Variants in RPF2 observed in about 807,000 individuals in gnomAD.
RPF2 encodes brix domain containing 1.
A neutral mutation model predicts 38.9 loss-of-function variants in RPF2; 21 were observed. The ratio of observed to expected loss-of-function variants is 0.54; its 90% CI spans 0.38 to 0.78. The LOEUF (loss-of-function observed/expected upper bound fraction) is 0.78, where lower values mean the gene tolerates loss of function less well. RPF2 is among the 30% of genes least tolerant of loss of function. The pLI, the probability that RPF2 is intolerant of heterozygous loss-of-function variation, is 0.00. For missense variants in RPF2, 314 were observed against 358.1 expected (o/e 0.88, Z 0.99); for synonymous variants, 121 against 126.2 (o/e 0.96, Z 0.28).
intron 7 of RPF2, among the ~76,000 whole-genome samples, chr6:111,010,571 C>T (rs955346702): frequency 6.6e-6 from 1 of 152,216 alleles, no homozygotes. Flanking sequence ...GTGTTGACAG[C>T]CGCGAGGCCT....
intron 6 of RPF2, among the ~76,000 whole-genome samples, chr6:111,007,702 T>C (rs1293093875): frequency 6.6e-6 from 1 of 152,144 alleles, no homozygotes; most frequent in Non-Finnish European, 1.5e-5. Flanking sequence ...CCCAGCACTT[T>C]GGGAGGCTGA....
chr6:111,011,779 GT>G (rs1190327324), intron 7 of RPF2, among the ~76,000 whole-genome samples: 1 of 152,078 alleles, frequency 6.6e-6, no homozygotes, highest in African/African-American at 2.4e-5. Context: ...TTGTTTAAAT[GT>G]TTTTTGTATT....
rs537281677 is a variant in RPF2, at chr6:111,012,449, C to T, written c.494-3305C>T. On this transcript the variant is annotated intron_variant, in intron 7 of 9. Transcript: ENST00000441448. ...AGCCTCCCAAAGTTGGAGGTGTGAG[C>T]CAACATGCGTGGCCTATTCTTCCCT... Among the ~76,000 whole-genome samples the T allele has an allele frequency of 4.6e-5, 7 of 152,084 alleles. No individual in the cohort carries two copies. The East Asian group carries it at 1.4e-3, about 29-fold the overall frequency.
chr6:111,024,157 C>A lies in RPF2; in HGVS notation c.597-26C>A, dbSNP rs545133609. On this transcript the variant is annotated intron_variant, in intron 8 of 9. Coordinates refer to ENST00000441448, the MANE Select transcript of RPF2 (RefSeq NM_032194.3). Reference sequence around the variant, plus strand: ...AGGACTTTTATGAAAGTCAAAGCAACATTTCTTTTTACCTATTTCCTAAAG... The same window carrying A: ...AGGACTTTTATGAAAGTCAAAGCAAAATTTCTTTTTACCTATTTCCTAAAG... The A allele has an allele frequency of 3.4e-4, 530 of 1,559,116 alleles. 8 individuals are homozygous for A. The South Asian group carries it at 6.0e-3, about 18-fold the overall frequency.
At chr6:111,019,028 C>A (rs1263792199) in intron 8 of RPF2, among the ~76,000 whole-genome samples, 1 of 152,086 alleles carries the variant, frequency 6.6e-6, no homozygotes, top group Non-Finnish European at 1.5e-5. Context: ...CCAGCCTGGC[C>A]AACACAGCGA....
intron 6 of RPF2, among the ~76,000 whole-genome samples, chr6:111,004,053 TCCAC>T (rs1771863948): frequency 6.6e-6 from 1 of 152,052 alleles, no homozygotes; most frequent in Non-Finnish European, 1.5e-5. Flanking sequence ...CCTCAGGTGA[TCCAC>T]CCACCTTGGC....
chr6:110,982,203 G>C, intron 1 of RPF2, 74 bp downstream of exon 1: 1 of 1,516,468 alleles, frequency 6.6e-7, no homozygotes. Flanking sequence ...TACTGTCTCG[G>C]CCTCTCACTC....
intron 8 of RPF2, among the ~76,000 whole-genome samples, chr6:111,022,112 A>C (rs1212526108): frequency 6.6e-6 from 1 of 152,236 alleles, no homozygotes; most frequent in African/African-American, 2.4e-5. Context: ...GTAATGCCAC[A>C]TGTGCCTTTG....
chr6:110,984,982 T>C (rs1771500283), intron 1 of RPF2, 24 bp from the exon 2 acceptor site: 1 of 1,600,310 alleles, frequency 6.2e-7, no homozygotes, highest in Non-Finnish European at 8.5e-7. Context: ...TTTAAATAGT[T>C]ATGAATTGTG....
At chr6:111,020,864 A>G (rs1772219813) in intron 8 of RPF2, among the ~76,000 whole-genome samples, 1 of 152,040 alleles carries the variant, frequency 6.6e-6, no homozygotes, top group Admixed American at 6.6e-5. Context: ...AAAGAGAAAA[A>G]AAAGAATAAA....
Position 111,024,267 on chromosome 6 carries a change from G to T in RPF2, c.681G>T (p.Arg227Ser), listed in dbSNP as rs773482871. ...MGPSLDLVLR[R>S]THLASDDLYK... ...CCTCATTGGATCTGGTTCTGAGGAGGACACACCTGGCATCGGATGACCTTT... is the reference window on the plus strand; with the variant it reads ...CCTCATTGGATCTGGTTCTGAGGAGTACACACCTGGCATCGGATGACCTTT... Residue 227 changes from arginine to serine, a missense_variant, in exon 9 of 10, where the codon AGG becomes AGT. Transcript: ENST00000441448. 2 of 1,612,152 alleles carry T rather than the reference G, an allele frequency of 1.2e-6. No individual in the cohort carries two copies. The highest frequency in any genetic ancestry group is 4.5e-5 in the East Asian group (2 of 44,868).
chr6:111,008,621 G>C (rs1432197910), intron 7 of RPF2, among the ~76,000 whole-genome samples: 2 of 152,040 alleles, frequency 1.3e-5, no homozygotes, highest in Non-Finnish European at 2.9e-5. Flanking sequence ...AAAATTTCAA[G>C]ATTGTTTGTA....
intron 5 of RPF2, among the ~76,000 whole-genome samples, chr6:110,997,987 C>T (rs772385020): frequency 3.6e-4 from 55 of 151,924 alleles, no homozygotes; most frequent in Non-Finnish European, 6.6e-4. Flanking sequence ...TCACTACAAC[C>T]TCCGCCTCCC....
chr6:111,003,079 AC>A (rs10565997), intron 6 of RPF2, among the ~76,000 whole-genome samples: 6,536 of 98,606 alleles, frequency 0.066, 167 homozygotes, highest in Middle Eastern at 0.12. Flanking sequence ...TTCATTTTTT[AC>A]CCCCCCCCCT....
At chr6:111,017,977 G>A (rs12176282) in intron 8 of RPF2, among the ~76,000 whole-genome samples, 24,565 of 151,894 alleles carry the variant, frequency 0.16, 2,512 homozygotes, top group East Asian at 0.52. Flanking sequence ...TCTGGAGGCC[G>A]AGGCTGGCAG....
intron 5 of RPF2, among the ~76,000 whole-genome samples, chr6:110,998,430 A>G (rs1286845801): frequency 6.6e-6 from 1 of 151,964 alleles, no homozygotes; most frequent in Non-Finnish European, 1.5e-5. Context: ...GCTGATTACT[A>G]GCTGCTGATT....
intron 6 of RPF2, among the ~76,000 whole-genome samples, chr6:111,003,081 C>A (rs997055053): frequency 1.9e-5 from 2 of 103,954 alleles, no homozygotes. Flanking sequence ...CATTTTTTAC[C>A]CCCCCCCCTT....
intron 7 of RPF2, among the ~76,000 whole-genome samples, chr6:111,012,423 C>T (rs1772033495): frequency 6.6e-6 from 1 of 152,114 alleles, no homozygotes; most frequent in Non-Finnish European, 1.5e-5. Context: ...CCTCCAGCCT[C>T]AGCCTCCCAA....
intron 8 of RPF2, among the ~76,000 whole-genome samples, chr6:111,017,265 G>A (rs942424406): frequency 6.6e-6 from 1 of 151,820 alleles, no homozygotes. Context: ...TGGCCGGGCA[G>A]AGGTGCCCCC....
Sources: allele counts gnomAD v4.1 joint callset (sites outside exome capture counted in the v4.1 genomes callset), GRCh38; gene constraint gnomAD v4.1.1; transcripts MANE v1.5; gene names NCBI Gene and HGNC (gene_info 2026-07-23, HGNC 2026-07-21).